The following SORBS2 variants were observed in gnomAD, a reference collection of about 807,000 sequenced individuals.
The protein encoded by SORBS2 is sorbin and SH3 domain containing 2, also known as sorbin and SH3 domain-containing protein 2.
SORBS2 carries 46 observed loss-of-function variants against 97.7 expected under a neutral mutation model. The ratio of observed to expected loss-of-function variants is 0.47; its 90% CI spans 0.37 to 0.60. SORBS2 has a LOEUF of 0.60. Ranked by LOEUF, SORBS2 falls within the 20% of genes least tolerant of loss-of-function variation. The pLI is 0.00. For synonymous variants in SORBS2, 476 were observed against 473.4 expected, an observed-to-expected ratio of 1.01 and a Z score of -0.07; for missense variants, 1,316 against 1,282.3, an observed-to-expected ratio of 1.03 and a Z score of -0.40.
At chr4:185,833,356 T>C (rs921311860) in intron 1 of SORBS2, among the ~76,000 whole-genome samples, 1 of 152,226 alleles carries the variant, frequency 6.6e-6, no homozygotes, top group Admixed American at 6.5e-5. Context: ...TTCCAGAACC[T>C]GGTAATTCAA....
intron 9 of SORBS2, among the ~76,000 whole-genome samples, chr4:185,617,038 C>T (rs530260343): frequency 2.6e-4 from 39 of 152,290 alleles, no homozygotes; most frequent in Admixed American, 2.2e-3. Flanking sequence ...CATGAGCCAC[C>T]GTGCCCAGCT....
exon 15 of SORBS2, chr4:185,585,968 A>ACTAT (rs1188315969): frequency 6.6e-6 from 1 of 152,556 alleles, no homozygotes; most frequent in Non-Finnish European, 1.5e-5. Flanking sequence ...ACAGAATCAC[A>ACTAT]CTATCTAGGG....
At chr4:185,751,861 G>A (rs2098802407) in intron 2 of SORBS2, among the ~76,000 whole-genome samples, 1 of 152,138 alleles carries the variant, frequency 6.6e-6, no homozygotes, top group African/African-American at 2.4e-5. Context: ...TTTGCATTAA[G>A]GTGCGATTTA....
At chr4:185,889,181 C>G (rs79511537) in intron 1 of SORBS2, among the ~76,000 whole-genome samples, 1 of 152,150 alleles carries the variant, frequency 6.6e-6, no homozygotes, top group Non-Finnish European at 1.5e-5. Flanking sequence ...TCATCATTGG[C>G]GCCTCCTCTG....
chr4:185,648,784 A>T (rs756311863), intron 3 of SORBS2, among the ~76,000 whole-genome samples: 50 of 152,310 alleles, frequency 3.3e-4, no homozygotes, highest in Non-Finnish European at 5.9e-4. Flanking sequence ...TCTTTAAAAT[A>T]GAAAGTATCT....
chr4:185,916,973 AC>A (rs1163182033), intron 1 of SORBS2, among the ~76,000 whole-genome samples: 14 of 152,184 alleles, frequency 9.2e-5, no homozygotes, highest in Non-Finnish European at 2.1e-4. Context: ...GAGGGTTGGG[AC>A]TTTTGGCCCC....
intron 2 of SORBS2, among the ~76,000 whole-genome samples, chr4:185,700,156 A>G (rs1583013504): frequency 6.6e-6 from 1 of 152,354 alleles, no homozygotes. Flanking sequence ...GCTTTTCAAA[A>G]ATTTATATGG....
intron 2 of SORBS2, among the ~76,000 whole-genome samples, chr4:185,762,755 C>T (rs1170886665): frequency 6.6e-6 from 1 of 152,090 alleles, no homozygotes. Flanking sequence ...TTTTTTGTGT[C>T]ATTTCTCTCA....
rs1317797320 is a variant in SORBS2 at position 185,879,173 on chromosome 4, C to CG, written c.-338+77022_-338+77023insC. 4.2e-3 allele frequency among the ~76,000 whole-genome samples: 463 copies of CG among 109,176 alleles called. 22 individuals are homozygous for CG. The highest frequency in any genetic ancestry group is 6.0e-3 in the Non-Finnish European group (316 of 53,068). The allele number at this position is 109,176 out of a possible 152,430, so 71.6% of individuals were successfully genotyped here. A position where few individuals can be genotyped will look rare whatever the true frequency, so the allele number is the denominator to read the frequency against. On this transcript the variant is annotated intron_variant, in intron 1 of 20. Coordinates refer to the SORBS2 transcript ENST00000284776. ...TCTCCTAATGCTATCCCTCCCCCCC[C>CG]CCCACCCCACGACAGGCCCCGGTGT...
At chr4:185,657,854 G>C (rs1034207590), upstream of SORBS2, among the ~76,000 whole-genome samples, 3 of 152,172 alleles carry the variant, frequency 2.0e-5, no homozygotes, top group African/African-American at 7.2e-5. Flanking sequence ...CTGTGTGGAG[G>C]CCTCTGAGTT....
At chr4:185,799,483 C>T (rs764657122) in intron 1 of SORBS2, among the ~76,000 whole-genome samples, 4 of 152,142 alleles carry the variant, frequency 2.6e-5, no homozygotes, top group South Asian at 4.1e-4. Flanking sequence ...AATGGTAGGA[C>T]GAGCATTAGA....
exon 12 of SORBS2, chr4:185,611,920 C>T (rs1350223736): frequency 6.2e-7 from 1 of 1,613,842 alleles, no homozygotes; most frequent in Non-Finnish European, 8.5e-7. Flanking sequence ...CTGTTGGTTC[C>T]TGGGATTTTA....
intron 4 of SORBS2, among the ~76,000 whole-genome samples, chr4:185,663,956 G>A (rs1174792293): frequency 1.4e-5 from 2 of 144,188 alleles, no homozygotes; most frequent in African/African-American, 2.6e-5. Context: ...CCGGGTTCAT[G>A]TCATTCTCCT....
At chr4:185,917,350 C>T (rs896927466) in intron 1 of SORBS2, among the ~76,000 whole-genome samples, 5 of 152,214 alleles carry the variant, frequency 3.3e-5, no homozygotes, top group African/African-American at 1.2e-4. Flanking sequence ...CCTCAGCCTC[C>T]TGAGTAGCTG....
intron 1 of SORBS2, among the ~76,000 whole-genome samples, chr4:185,897,538 A>C (rs1474094858): frequency 3.9e-5 from 6 of 152,228 alleles, no homozygotes; most frequent in Admixed American, 2.0e-4. Flanking sequence ...GAAAATTTGT[A>C]CATCTTTTCT....
intron 1 of SORBS2, among the ~76,000 whole-genome samples, chr4:185,869,311 G>C (rs1474227589): frequency 6.6e-6 from 1 of 152,210 alleles, no homozygotes; most frequent in Admixed American, 6.5e-5. Context: ...TATTCAGTTG[G>C]TAGGAGGAAC....
Position 185,606,172 on chromosome 4 carries a change from A to G in SORBS2, c.2796+5608T>C, listed in dbSNP as rs986632951. 1 of 985,292 alleles carries G rather than the reference A, an allele frequency of 1.0e-6. No individual in the cohort carries two copies. Among genetic ancestry groups the G allele is most frequent in the African/African-American group, 1.7e-5 (1 of 57,234 alleles). The allele number at this position is 985,292 out of a possible 1,614,324, so 61.0% of individuals were successfully genotyped here. A position where few individuals can be genotyped will look rare whatever the true frequency, so the allele number is the denominator to read the frequency against. ...GAATAGGACAAATTTCTGGGCATCA[A>G]CTTCCTCTTCTCTAAAGTGGGGATG... On this transcript the variant is annotated intron_variant, in intron 12 of 14. Coordinates refer to ENST00000418609, the Ensembl canonical transcript of SORBS2. The surrounding 1 kb of genome is among the most constrained non-coding windows in gnomAD (Gnocchi z 4.3).
intron 1 of SORBS2, among the ~76,000 whole-genome samples, chr4:185,843,154 T>C (rs1294128891): frequency 6.6e-6 from 1 of 151,986 alleles, no homozygotes; most frequent in Admixed American, 6.6e-5. Context: ...ACAACTACCC[T>C]GAAAGGCAGC....
At chr4:185,890,509 T>C (rs1210302565) in intron 1 of SORBS2, among the ~76,000 whole-genome samples, 1 of 152,138 alleles carries the variant, frequency 6.6e-6, no homozygotes, top group Non-Finnish European at 1.5e-5. Flanking sequence ...CTCTACAGCC[T>C]AATGAGAGAG....
Sources: gnomAD v4.1 joint callset for allele counts (sites outside exome capture counted in the v4.1 genomes callset) on GRCh38, gnomAD v4.1.1 for gene constraint, Gnocchi (gnomAD v3.1) non-coding constraint, MANE v1.5 for transcripts, NCBI Gene and HGNC (gene_info 2026-07-23, HGNC 2026-07-21) for gene names.